The following CRYBB1 variants were observed in gnomAD, a reference collection of about 807,000 sequenced individuals.
CRYBB1 encodes crystallin beta B1.
Under a neutral mutation model 29.5 loss-of-function variants are expected in CRYBB1, and 16 were observed. That is an observed-to-expected ratio of 0.54 (90% CI 0.37 to 0.82). The LOEUF is 0.82. CRYBB1 is among the 40% of genes least tolerant of loss of function. The pLI is 0.00. For missense variants in CRYBB1, 300 were observed against 350.5 expected (o/e 0.86, Z 1.15); for synonymous variants, 127 against 136.7 (o/e 0.93, Z 0.49).
At chr22:26,607,557 T>TG (rs35545678) in intron 4 of CRYBB1, among the ~76,000 whole-genome samples, 18,434 of 105,208 alleles carry the variant, frequency 0.18, 1,301 homozygotes, top group East Asian at 0.41. Context: ...ACCCCATCTT[T>TG]GGGAAAAAAA....
chr22:26,606,010 G>A (rs138630594), intron 4 of CRYBB1, among the ~76,000 whole-genome samples: 116 of 152,322 alleles, frequency 7.6e-4, no homozygotes, highest in Non-Finnish European at 1.2e-3. Flanking sequence ...AACATTATGA[G>A]ATTTTTTTTG....
intron 5 of CRYBB1, among the ~76,000 whole-genome samples, chr22:26,599,943 A>C (rs1928768852): frequency 6.6e-6 from 1 of 152,200 alleles, no homozygotes. Context: ...AATGCACCTC[A>C]AGTGTTTGCT....
At chr22:26,614,553 C>T (rs1329466587) in intron 2 of CRYBB1, among the ~76,000 whole-genome samples, 1 of 152,184 alleles carries the variant, frequency 6.6e-6, no homozygotes, top group Non-Finnish European at 1.5e-5. Flanking sequence ...AAGAGATGGT[C>T]ACGCTCTGAA....
intron 4 of CRYBB1, among the ~76,000 whole-genome samples, 170 bp downstream of exon 4, chr22:26,607,719 A>G: frequency 6.6e-6 from 1 of 152,150 alleles, no homozygotes; most frequent in East Asian, 1.9e-4. Flanking sequence ...GAGTGTGTTA[A>G]GGACACTGAT....
chr22:26,603,934 C>G (rs1928899868), intron 4 of CRYBB1, among the ~76,000 whole-genome samples: 1 of 152,106 alleles, frequency 6.6e-6, no homozygotes, highest in South Asian at 2.1e-4. Flanking sequence ...AAAAAACAAA[C>G]AAACAAACAA....
At chr22:26,617,545 G>A (rs1430975109) in intron 1 of CRYBB1, among the ~76,000 whole-genome samples, 1 of 152,020 alleles carries the variant, frequency 6.6e-6, no homozygotes, top group Non-Finnish European at 1.5e-5. Context: ...GCTGGCAGCT[G>A]GACTCATGCC....
intron 1 of CRYBB1, 48 bp from the exon 2 acceptor site, chr22:26,616,386 C>T (rs1046149838): frequency 2.3e-6 from 3 of 1,291,820 alleles, no homozygotes; most frequent in East Asian, 2.3e-5. Context: ...AAACTGCCTC[C>T]TGCCCTCATA....
chr22:26,606,574 C>T (rs1056559927), intron 4 of CRYBB1, among the ~76,000 whole-genome samples: 46 of 152,270 alleles, frequency 3.0e-4, no homozygotes, highest in African/African-American at 1.1e-3. Flanking sequence ...CATATAAGAA[C>T]CATTCAATGA....
chr22:26,604,010 A>T (rs989337958), intron 4 of CRYBB1, among the ~76,000 whole-genome samples: 14 of 152,232 alleles, frequency 9.2e-5, no homozygotes, highest in Admixed American at 4.6e-4. Context: ...TAATGCTTTC[A>T]TGACCCTGTA....
chr22:26,601,164 G>A (rs73163247), intron 5 of CRYBB1, among the ~76,000 whole-genome samples: 540 of 152,314 alleles, frequency 3.5e-3, no homozygotes, highest in Admixed American at 8.7e-3. Flanking sequence ...ACAAGTCTGG[G>A]AATGGAGAGA....
At chr22:26,606,377 T>C (rs996798755) in intron 4 of CRYBB1, among the ~76,000 whole-genome samples, 1 of 152,262 alleles carries the variant, frequency 6.6e-6, no homozygotes, top group Admixed American at 6.5e-5. Context: ...CTTTAAAATT[T>C]TTTTTACTAT....
intron 2 of CRYBB1, 93 bp from the exon 3 acceptor site, chr22:26,612,283 A>G (rs903641245): frequency 1.2e-6 from 1 of 814,906 alleles, no homozygotes; most frequent in African/African-American, 1.7e-5. Flanking sequence ...GCAGTGCAGG[A>G]GTCACATAAA....
chr22:26,611,691 G>C (rs1219002929), intron 3 of CRYBB1, among the ~76,000 whole-genome samples: 2 of 151,956 alleles, frequency 1.3e-5, no homozygotes, highest in Non-Finnish European at 2.9e-5. Context: ...AGCCAGGATG[G>C]TCTCGATCTC....
At chr22:26,610,070 C>T (rs1393876266) in intron 3 of CRYBB1, among the ~76,000 whole-genome samples, 1 of 152,066 alleles carries the variant, frequency 6.6e-6, no homozygotes, top group African/African-American at 2.4e-5. Flanking sequence ...CCCCTAAAAT[C>T]TCCCCTATCT....
chr22:26,605,752 T>G (rs1928958698), intron 4 of CRYBB1, among the ~76,000 whole-genome samples: 1 of 82,344 alleles, frequency 1.2e-5, no homozygotes, highest in South Asian at 3.1e-4. Flanking sequence ...GTCAGGTTTA[T>G]TTTTTTTTTT....
In CRYBB1 at chr22:26,616,289, C is replaced by T. The variant is rs1390042037; in HGVS notation, c.31G>A (p.Ala11Thr). The T allele has an allele frequency of 1.2e-6, 2 of 1,613,974 alleles. No individual in the cohort carries two copies. Among genetic ancestry groups the T allele is most frequent in the Admixed American group, 1.7e-5 (1 of 60,028 alleles). MSQAAKASAS[A>T]TVAVNPGPDT... ...GGCCCTGGGTTCACCGCCACTGTGG[C>T]CGAGGCCGAGGCCTTTGCAGCCTGA... is the stretch of plus-strand genomic sequence containing the variant. The change falls in exon 2 of 6, where the codon GCC (alanine) becomes ACC (threonine). Residue 11 changes from alanine (A) to threonine (T), a missense_variant. Ala to Thr is a moderately conservative substitution (Grantham distance 58). Coordinates refer to ENST00000647684, the MANE Select transcript of CRYBB1 (RefSeq NM_001887.4).
intron 5 of CRYBB1, among the ~76,000 whole-genome samples, chr22:26,600,016 G>T (rs1305852125): frequency 2.6e-5 from 4 of 152,180 alleles, no homozygotes; most frequent in African/African-American, 9.7e-5. Context: ...GATGATGCAG[G>T]GCTCAGAGAA....
chr22:26,612,217 G>A (rs181198634), intron 2 of CRYBB1, 27 bp from the exon 3 acceptor site: 2 of 1,515,536 alleles, frequency 1.3e-6, no homozygotes, highest in East Asian at 2.3e-5. Flanking sequence ...CCCATGCCAA[G>A]GGCAGAGTGA....
Position 26,601,948 on chromosome 22 carries a change from T to C in CRYBB1, c.506A>G (p.Asp169Gly), listed in dbSNP as rs1337855221. The C allele has an allele frequency of 6.2e-7, 1 of 1,613,242 alleles. No homozygotes were observed. The highest frequency in any genetic ancestry group is 8.5e-7 in the Non-Finnish European group (1 of 1,179,864). ...FKGNTIEIQG[D>G]DAPSLWVYGF... ...GTAGACCCAGAGACTGGGTGCGTCG[T>C]CCCCCTGGATCTCTATGGTGTTGCC... Residue 169 changes from aspartate (D) to glycine (G), a missense_variant, in exon 5 of 6, where the codon GAC becomes GGC. By Grantham distance (94) the Asp-to-Gly change is moderately conservative (BLOSUM62 -1). Coordinates refer to ENST00000647684, the MANE Select transcript of CRYBB1 (RefSeq NM_001887.4).
Sources: allele counts gnomAD v4.1 joint callset (sites outside exome capture counted in the v4.1 genomes callset), GRCh38; gene constraint gnomAD v4.1.1; transcripts MANE v1.5; gene names NCBI Gene and HGNC (gene_info 2026-07-23, HGNC 2026-07-21).